KAZN: variants seen among roughly 807,000 people sequenced by gnomAD.
KAZN encodes kazrin.
KAZN carries 40 observed loss-of-function variants against 87.4 expected under a neutral mutation model. That is an observed-to-expected ratio of 0.46 (90% CI 0.36 to 0.60). The LOEUF is 0.60. Ranked by LOEUF, KAZN falls within the 20% of genes least tolerant of loss-of-function variation. KAZN has a pLI of 0.00. For missense variants in KAZN, 898 were observed against 1,073.9 expected (o/e 0.84, Z 2.29); for synonymous variants, 466 against 458.3 (o/e 1.02, Z -0.22).
chr1:14,143,048 A>C (rs949451023), intron 1 of KAZN, among the ~76,000 whole-genome samples: 3 of 152,082 alleles, frequency 2.0e-5, no homozygotes, highest in African/African-American at 7.2e-5. Context: ...CTGGAGGAAC[A>C]TCACCTAATG....
At chr1:13,994,032 G>A (rs1639401260) in intron 1 of KAZN, among the ~76,000 whole-genome samples, 1 of 152,136 alleles carries the variant, frequency 6.6e-6, no homozygotes, top group Non-Finnish European at 1.5e-5. Flanking sequence ...ATCCAAAAAG[G>A]ACCTCGTTCC....
chr1:14,285,407 A>T (rs1323360020), intron 2 of KAZN, among the ~76,000 whole-genome samples: 1 of 152,192 alleles, frequency 6.6e-6, no homozygotes, highest in Non-Finnish European at 1.5e-5. Context: ...TCTTCCTAAC[A>T]TCTGTGCACA....
intron 1 of KAZN, among the ~76,000 whole-genome samples, chr1:14,797,063 T>C (rs1261650851): frequency 6.6e-6 from 1 of 152,174 alleles, no homozygotes; most frequent in East Asian, 1.9e-4. Flanking sequence ...TTTTTGTTTT[T>C]TGGTTTTTGT....
At chr1:14,891,590 A>G (rs1654728580) in intron 1 of KAZN, among the ~76,000 whole-genome samples, 1 of 152,230 alleles carries the variant, frequency 6.6e-6, no homozygotes, top group African/African-American at 2.4e-5. Context: ...CCACTGCTTT[A>G]ACACTGTATT....
chr1:14,680,972 T>A (rs1640535108), intron 1 of KAZN, among the ~76,000 whole-genome samples: 2 of 152,166 alleles, frequency 1.3e-5, no homozygotes, highest in Non-Finnish European at 2.9e-5. Flanking sequence ...CTTACAGTCA[T>A]GGCAGAAGAT....
At chr1:14,353,323 C>G (rs1272362454) in intron 2 of KAZN, among the ~76,000 whole-genome samples, 3 of 116,140 alleles carry the variant, frequency 2.6e-5, no homozygotes, top group Non-Finnish European at 5.4e-5. Context: ...CTCCCAGGGT[C>G]ATGCCATTCT....
chr1:14,270,522 T>C (rs986053480), intron 2 of KAZN, among the ~76,000 whole-genome samples: 13 of 152,162 alleles, frequency 8.5e-5, no homozygotes, highest in Admixed American at 7.9e-4. Context: ...ACTGTGAGGA[T>C]TGAATGACAT....
intron 8 of KAZN, among the ~76,000 whole-genome samples, chr1:15,086,308 C>G (rs927780500): frequency 1.3e-5 from 2 of 152,174 alleles, no homozygotes; most frequent in Admixed American, 1.3e-4. Flanking sequence ...AATGAAAGAA[C>G]AATTCGGCTT....
intron 4 of KAZN, among the ~76,000 whole-genome samples, chr1:15,055,418 A>C (rs559261700): frequency 5.9e-5 from 9 of 152,270 alleles, no homozygotes. Context: ...CGGAGGTTGC[A>C]GTGAGCTGAG....
At chr1:14,493,457 A>G (rs1669787061) in intron 2 of KAZN, among the ~76,000 whole-genome samples, 1 of 151,812 alleles carries the variant, frequency 6.6e-6, no homozygotes, top group Non-Finnish European at 1.5e-5. Context: ...ACCACTCTGT[A>G]TCTCATTCCA....
intron 2 of KAZN, among the ~76,000 whole-genome samples, chr1:14,422,429 G>A (rs537832049): frequency 2.0e-5 from 3 of 152,312 alleles, no homozygotes; most frequent in South Asian, 2.1e-4. Context: ...AGAACAAAAC[G>A]CTACGCAGCG....
At chr1:13,994,475 G>T (rs1639420129) in intron 1 of KAZN, among the ~76,000 whole-genome samples, 1 of 152,216 alleles carries the variant, frequency 6.6e-6, no homozygotes, top group South Asian at 2.1e-4. Context: ...GACCAAGTTA[G>T]ATTAAAATGA....
intron 1 of KAZN, among the ~76,000 whole-genome samples, chr1:14,045,818 C>T (rs1243179461): frequency 6.6e-6 from 1 of 152,142 alleles, no homozygotes; most frequent in Non-Finnish European, 1.5e-5. Flanking sequence ...TAACATAGTA[C>T]CTATAAAATG....
At chr1:15,059,645 G>A (rs758265730) in intron 5 of KAZN, among the ~76,000 whole-genome samples, 2 of 152,120 alleles carry the variant, frequency 1.3e-5, no homozygotes, top group East Asian at 1.9e-4. Context: ...TGCTGCTGCC[G>A]ATTGGATGTG....
chr1:15,047,912 G>A (rs182770163), intron 4 of KAZN, among the ~76,000 whole-genome samples: 49 of 152,338 alleles, frequency 3.2e-4, no homozygotes, highest in African/African-American at 1.1e-3. Context: ...TCCATGCAGT[G>A]TGCCCTGTGG....
At chr1:15,030,718 A>C (rs2102224337) in intron 2 of KAZN, among the ~76,000 whole-genome samples, 1 of 152,302 alleles carries the variant, frequency 6.6e-6, no homozygotes, top group African/African-American at 2.4e-5. Context: ...GCAGGAGTGA[A>C]GCAGAAGAGT....
At chr1:14,334,017 C>G (rs1657039330) in intron 2 of KAZN, among the ~76,000 whole-genome samples, 1 of 151,520 alleles carries the variant, frequency 6.6e-6, no homozygotes, top group Non-Finnish European at 1.5e-5. Context: ...TCAGCCAGGT[C>G]ATAAAGGAGG....
chr1:14,535,021 T>C (rs1047722114), intron 2 of KAZN, among the ~76,000 whole-genome samples: 2 of 152,156 alleles, frequency 1.3e-5, no homozygotes, highest in Admixed American at 6.5e-5. Context: ...GGCCTACCTC[T>C]TCTGATTCCA....
chr1:14,269,429 G>T (rs1651752715), intron 2 of KAZN, among the ~76,000 whole-genome samples: 1 of 152,024 alleles, frequency 6.6e-6, no homozygotes, highest in Non-Finnish European at 1.5e-5. Flanking sequence ...ATTTTTCAAA[G>T]AAAATAGGAA....
Sources: gnomAD v4.1 joint callset for allele counts (sites outside exome capture counted in the v4.1 genomes callset) on GRCh38, gnomAD v4.1.1 for gene constraint, MANE v1.5 for transcripts, NCBI Gene and HGNC (gene_info 2026-07-23, HGNC 2026-07-21) for gene names.